Variants in ARIH1 observed in about 807,000 individuals in gnomAD.
ARIH1 encodes the protein ariadne RBR E3 ubiquitin protein ligase 1, also known as E3 ubiquitin-protein ligase ARIH1.
In ARIH1, 8 loss-of-function variants were observed where a neutral mutation model predicts 85.0. The observed-to-expected ratio is 0.09, with a 90% confidence interval of 0.06 to 0.17. ARIH1 has a LOEUF of 0.17. Among genes scored for constraint, ARIH1 ranks in the 10% least tolerant of loss-of-function variants. The probability of loss-of-function intolerance (pLI) is 1.00; values close to 1 mark genes in which losing one functional copy is unlikely to be tolerated. For missense variants in ARIH1, 311 were observed against 718.1 expected (o/e 0.43, Z 6.48); for synonymous variants, 238 against 253.6 (o/e 0.94, Z 0.59).
rs757455356 is a variant in ARIH1, at chr15:72,586,341, C to G, written c.*3049C>G. 3 of 152,088 alleles carry G rather than the reference C, an allele frequency of 2.0e-5. No homozygotes were observed. The highest frequency in any genetic ancestry group is 2.1e-4 in the South Asian group (1 of 4,808). The allele number at this position is 152,088 out of a possible 1,614,324, so 9.4% of individuals were successfully genotyped here. A position where few individuals can be genotyped will look rare whatever the true frequency, so the allele number is the denominator to read the frequency against. On this transcript the variant is annotated 3_prime_UTR_variant, in exon 14 of 14. Transcript: ENST00000379887. ...TAACAAATTATTTTAGCTACAAACC[C>G]CGGTAATAGAGCACTTGGGGGATGG...
At chr15:72,506,325 G>C (rs907280258) in intron 1 of ARIH1, among the ~76,000 whole-genome samples, 3 of 106,420 alleles carry the variant, frequency 2.8e-5, no homozygotes, top group Non-Finnish European at 5.4e-5. Context: ...ACTCCAGCCT[G>C]GGCGACAGAG....
chr15:72,577,605 G>A (rs1029543147), intron 11 of ARIH1, among the ~76,000 whole-genome samples: 12 of 152,070 alleles, frequency 7.9e-5, no homozygotes, highest in African/African-American at 2.4e-4. Flanking sequence ...CCCTGGAGGT[G>A]GAGGTCGTGG....
intron 2 of ARIH1, among the ~76,000 whole-genome samples, chr15:72,526,868 T>TTC (rs2064030994): frequency 6.6e-6 from 1 of 151,364 alleles, no homozygotes; most frequent in Non-Finnish European, 1.5e-5. Context: ...TGCTTTTTTT[T>TTC]TTTTTTTTAA....
chr15:72,539,601 A>G (rs1272997494), intron 2 of ARIH1, among the ~76,000 whole-genome samples: 2 of 152,238 alleles, frequency 1.3e-5, no homozygotes, highest in East Asian at 3.8e-4. Context: ...ATGGAGGACA[A>G]ATTAAGAGAC....
intron 1 of ARIH1, among the ~76,000 whole-genome samples, chr15:72,500,340 G>A (rs1403873163): frequency 3.9e-5 from 6 of 152,058 alleles, no homozygotes; most frequent in South Asian, 2.1e-4. Flanking sequence ...TGATCTGCCC[G>A]CCTCGGCCTC....
At chr15:72,484,016 T>C (rs1242886879) in intron 1 of ARIH1, among the ~76,000 whole-genome samples, 1 of 149,158 alleles carries the variant, frequency 6.7e-6, no homozygotes, top group Non-Finnish European at 1.5e-5. Context: ...ACTAAAAAAA[T>C]ACAAAAATTA....
At chr15:72,524,709 C>A (rs932330946) in intron 2 of ARIH1, among the ~76,000 whole-genome samples, 2 of 152,144 alleles carry the variant, frequency 1.3e-5, no homozygotes, top group African/African-American at 4.8e-5. Flanking sequence ...CTGCCAGTTC[C>A]TGTAGAAAAT....
chr15:72,544,931 T>C lies in ARIH1; in HGVS notation c.555T>C (p.Pro185=). 6.2e-7 allele frequency: 1 copy of C among 1,603,562 alleles called. No homozygotes were observed. The highest frequency in any genetic ancestry group is 8.5e-7 in the Non-Finnish European group (1 of 1,173,018). ...CAAGGTCATCAGCACAGGATATGCC[T>C]TGTCAGATCTGCTACTTGAACTACC... The part of the protein sequence containing the change: ...MNTRSSAQDM[P]CQICYLNYPN... The change falls in exon 3 of 14, where the codon CCT becomes CCC. Residue 185 remains proline (P), a synonymous_variant. Transcript: ENST00000379887.
chr15:72,529,004 T>C (rs970300666), intron 2 of ARIH1, among the ~76,000 whole-genome samples: 2 of 151,864 alleles, frequency 1.3e-5, no homozygotes, highest in African/African-American at 4.8e-5. Context: ...ATCGAGACCA[T>C]CCTGGCTAAC....
At chr15:72,551,365 A>G (rs2064152147) in intron 3 of ARIH1, among the ~76,000 whole-genome samples, 2 of 152,256 alleles carry the variant, frequency 1.3e-5, no homozygotes, top group Admixed American at 1.3e-4. Context: ...AAGAGTAGAC[A>G]GAGCGGTGGA....
intron 1 of ARIH1, among the ~76,000 whole-genome samples, chr15:72,506,642 A>T (rs62017910): frequency 0.5 from 76,130 of 151,868 alleles, 23,259 homozygotes; most frequent in Non-Finnish European, 0.67. Flanking sequence ...TAAATTTTGG[A>T]CCCATAAGCA....
At chr15:72,569,342 A>G (rs2064233861) in intron 9 of ARIH1, among the ~76,000 whole-genome samples, 1 of 152,142 alleles carries the variant, frequency 6.6e-6, no homozygotes, top group Non-Finnish European at 1.5e-5. Flanking sequence ...TTGGAAAAAA[A>G]CAATCTAACA....
rs1201064589 is a variant in ARIH1, at chr15:72,587,330, AT to A, written c.*4040del. ...TAACTATATTGTACTTTTAAACCAC[AT>A]TAAAGACTATTATAAATGCCTATCA... On this transcript the variant is annotated 3_prime_UTR_variant, in exon 14 of 14. Coordinates refer to ENST00000379887, the MANE Select transcript of ARIH1 (RefSeq NM_005744.5). 2.0e-6 allele frequency: 1 copy of A among 491,774 alleles called. No homozygotes were observed. Among genetic ancestry groups the A allele is most frequent in the East Asian group, 5.7e-5 (1 of 17,686 alleles). 30.5% of individuals were successfully genotyped at this position (491,774 alleles called of 1,614,324 possible).
chr15:72,582,653 C>T lies in ARIH1; in HGVS notation c.1589+466C>T, dbSNP rs1007720255. Among the ~76,000 whole-genome samples, 4 of 151,542 alleles carry T rather than the reference C, an allele frequency of 2.6e-5. No homozygotes were observed. The highest frequency in any genetic ancestry group is 7.3e-5 in the African/African-American group (3 of 41,244). On this transcript the variant is annotated intron_variant, in intron 13 of 13. Transcript: ENST00000379887. This position sits in a 1 kb window ranked among gnomAD's most constrained non-coding sequence, Gnocchi z 4.6. Reference sequence around the variant, plus strand: ...TAGGAGTCGATTTTTCAAGATGTGCCGCCTCTTAAGCTAGAGATGCAAAAT... The same window carrying T: ...TAGGAGTCGATTTTTCAAGATGTGCTGCCTCTTAAGCTAGAGATGCAAAAT...
chr15:72,549,234 C>A (rs756493797), intron 3 of ARIH1, among the ~76,000 whole-genome samples: 1 of 151,698 alleles, frequency 6.6e-6, no homozygotes, highest in Non-Finnish European at 1.5e-5. Context: ...ATTACAGCCG[C>A]CCACCACCAC....
In ARIH1 at chr15:72,598,199, T is replaced by C. The variant is rs887839239; in HGVS notation, c.*14907T>C. The C allele has an allele frequency of 3.3e-5, 5 of 152,194 alleles. No individual in the cohort carries two copies. Among genetic ancestry groups the C allele is most frequent in the African/African-American group, 1.2e-4 (5 of 41,434 alleles). 9.4% of individuals were successfully genotyped at this position (152,194 alleles called of 1,614,324 possible). Reference sequence around the variant, plus strand: ...CTCAAACTTCTGAGCTCAAGCGATCTGCCTGCCTCAGCACCCCAAAGTCCT... The same window carrying C: ...CTCAAACTTCTGAGCTCAAGCGATCCGCCTGCCTCAGCACCCCAAAGTCCT... On this transcript the variant is annotated 3_prime_UTR_variant, in exon 14 of 14. Coordinates refer to ENST00000379887, the MANE Select transcript of ARIH1 (RefSeq NM_005744.5).
intron 11 of ARIH1, chr15:72,580,465 T>A: frequency 2.4e-6 from 1 of 425,450 alleles, no homozygotes; most frequent in East Asian, 4.3e-5. Context: ...GATTGCTGGA[T>A]TCTGTGGTGG....
chr15:72,547,514 TGCACCACC>T (rs1386114500), intron 3 of ARIH1, among the ~76,000 whole-genome samples: 1 of 152,218 alleles, frequency 6.6e-6, no homozygotes, highest in Non-Finnish European at 1.5e-5. Context: ...ATTACAGGTG[TGCACCACC>T]GCACCCAACA....
intron 1 of ARIH1, among the ~76,000 whole-genome samples, chr15:72,488,211 A>T (rs1354990395): frequency 6.6e-6 from 1 of 151,614 alleles, no homozygotes; most frequent in Non-Finnish European, 1.5e-5. Context: ...AATTTTTTGT[A>T]TTATTATTTT....
Sources: gnomAD v4.1 joint callset for allele counts (sites outside exome capture counted in the v4.1 genomes callset) on GRCh38, gnomAD v4.1.1 for gene constraint, Gnocchi (gnomAD v3.1) non-coding constraint, MANE v1.5 for transcripts, NCBI Gene and HGNC (gene_info 2026-07-23, HGNC 2026-07-21) for gene names.